Variants in ARMC6 observed in about 807,000 individuals in gnomAD.
ARMC6 encodes armadillo repeat-containing protein 6.
ARMC6 carries 43 observed loss-of-function variants against 49.2 expected under a neutral mutation model. That is an observed-to-expected ratio of 0.87 (90% CI 0.69 to 1.13). The LOEUF (loss-of-function observed/expected upper bound fraction) is 1.13. Ranked by LOEUF, ARMC6 falls within the 50% of genes most tolerant of loss-of-function variation. The pLI, the probability that ARMC6 is intolerant of heterozygous loss-of-function variation, is 0.00. For missense variants in ARMC6, 627 were observed against 682.0 expected, an observed-to-expected ratio of 0.92 and a Z score of 0.90; for synonymous variants, 262 against 289.6, an observed-to-expected ratio of 0.90 and a Z score of 0.97.
Position 19,052,177 on chromosome 19 carries a change from C to T in ARMC6, c.835C>T (p.Leu279Phe). Residue 279 changes from leucine to phenylalanine, a missense_variant, in exon 5 of 9, where the codon CTC (leucine) becomes TTC (phenylalanine). Coordinates refer to ENST00000535612, the MANE Select transcript of ARMC6 (RefSeq NM_001199196.2). ...IVQENKGLKV[L>F]IEATKAFLDN... ...GCAGGAGAACAAAGGCTTGAAGGTG[C>T]TCATCGAAGCCACCAAAGGTAAGAG... 1 of 1,602,464 alleles carries T rather than the reference C, an allele frequency of 6.2e-7. No individual in the cohort carries two copies. Among genetic ancestry groups the T allele is most frequent in the African/African-American group, 1.3e-5 (1 of 74,908 alleles).
intron 4 of ARMC6, among the ~76,000 whole-genome samples, chr19:19,045,653 A>T (rs1163433927): frequency 1.1e-3 from 84 of 75,678 alleles, no homozygotes; most frequent in Non-Finnish European, 2.0e-3. Flanking sequence ...ATGCCCAGCT[A>T]ATTTTTTTTT....
Position 19,057,983 on chromosome 19 carries a change from G to A in ARMC6, c.*355G>A. 2.6e-6 allele frequency: 1 copy of A among 377,532 alleles called. No individual in the cohort carries two copies. Among genetic ancestry groups the A allele is most frequent in the Non-Finnish European group, 5.1e-6 (1 of 197,436 alleles). 23.4% of individuals were successfully genotyped at this position (377,532 alleles called of 1,614,324 possible). ...CACTGTGGGCCAGGCTCAGGGCAGG[G>A]CAGGCGATTCCAGTGGGGTTGGGCC... On this transcript the variant is annotated 3_prime_UTR_variant, in exon 9 of 9. Transcript: ENST00000535612.
intron 2 of ARMC6, among the ~76,000 whole-genome samples, chr19:19,035,729 G>C (rs2059359843): frequency 6.6e-6 from 1 of 151,506 alleles, no homozygotes; most frequent in African/African-American, 2.4e-5. Flanking sequence ...GCTCCACAGA[G>C]GACTGAGAAT....
intron 2 of ARMC6, among the ~76,000 whole-genome samples, chr19:19,035,066 G>A (rs908028263): frequency 6.6e-6 from 1 of 152,122 alleles, no homozygotes; most frequent in Non-Finnish European, 1.5e-5. Flanking sequence ...GGGTTTCACC[G>A]TGTTAGCCAG....
At chr19:19,054,375 G>C (rs529163386) in intron 6 of ARMC6, 54 bp downstream of exon 6, 5 of 1,445,228 alleles carry the variant, frequency 3.5e-6, no homozygotes, top group Non-Finnish European at 4.6e-6. Flanking sequence ...CCAGTCAACC[G>C]GACGAGCTAT....
intron 3 of ARMC6, among the ~76,000 whole-genome samples, chr19:19,043,216 C>A (rs959686783): frequency 6.6e-6 from 1 of 152,238 alleles, no homozygotes; most frequent in Non-Finnish European, 1.5e-5. Flanking sequence ...GAGGCAGAAG[C>A]AGCCTGTGGA....
chr19:19,038,052 T>C (rs2059384133), intron 2 of ARMC6, among the ~76,000 whole-genome samples: 1 of 152,184 alleles, frequency 6.6e-6, no homozygotes, highest in Admixed American at 6.5e-5. Context: ...CATTAAATTA[T>C]AGGAGCACGA....
At chr19:19,053,257 G>T (rs966651453) in intron 5 of ARMC6, among the ~76,000 whole-genome samples, 15 of 152,192 alleles carry the variant, frequency 9.9e-5, no homozygotes, top group Admixed American at 6.5e-4. Flanking sequence ...GGAGGCTGAG[G>T]TAGAAGGATT....
chr19:19,053,158 G>A (rs1170456244), intron 5 of ARMC6, among the ~76,000 whole-genome samples: 1 of 152,186 alleles, frequency 6.6e-6, no homozygotes, highest in African/African-American at 2.4e-5. Context: ...GATGGAATGA[G>A]TCCCATTCAC....
In ARMC6 at chr19:19,049,059, A is replaced by ATT. The variant is rs67876712; in HGVS notation, c.280-2543_280-2542dup. Among the ~76,000 whole-genome samples the ATT allele has an allele frequency of 6.1e-3, 760 of 124,896 alleles. 9 individuals carry two copies. Among genetic ancestry groups the ATT allele is most frequent in the African/African-American group, 0.016 (511 of 31,830 alleles). The allele number at this position is 124,896 out of a possible 152,430, so 81.9% of individuals were successfully genotyped here. On this transcript the variant is annotated intron_variant, in intron 4 of 8. Transcript: ENST00000535612. ...GTCCTTAGTATGGATGAGGACTTAG[A>ATT]TTTTTTTTTTTTTTTTTTTTTGAGA...
intron 2 of ARMC6, chr19:19,037,669 A>G (rs1432517599): frequency 4.4e-5 from 51 of 1,159,184 alleles, no homozygotes; most frequent in Non-Finnish European, 5.2e-5. Context: ...AAACTTGATA[A>G]TTCCAGAACG....
chr19:19,043,860 G>A (rs2059428406), intron 3 of ARMC6, 132 bp from the exon 4 acceptor site: 2 of 740,034 alleles, frequency 2.7e-6, no homozygotes, highest in Non-Finnish European at 2.4e-6. Context: ...CGGGAATAGG[G>A]AGGTGGGAGG....
At chr19:19,039,995 A>G (rs1220165607) in intron 2 of ARMC6, among the ~76,000 whole-genome samples, 1 of 152,188 alleles carries the variant, frequency 6.6e-6, no homozygotes, top group Non-Finnish European at 1.5e-5. Context: ...AAATGAAATA[A>G]AATTACACAC....
At position 19,057,433 on chromosome 19, in the gene ARMC6, G is replaced by A. The variant is rs746615178; in HGVS notation, c.1311G>A (p.Leu437=). The change falls in exon 9 of 9, where the codon CTG becomes CTA. Residue 437 remains leucine, a synonymous_variant. Coordinates refer to ENST00000535612, the MANE Select transcript of ARMC6 (RefSeq NM_001199196.2). ...KAGVQKQACM[L]IRNLVAHGQA... is the part of the protein sequence containing the mutation. ...TCCTACAGAAACAGGCTTGCATGCT[G>A]ATCCGAAACCTGGTGGCCCACGGCC... The A allele has an allele frequency of 1.9e-6, 3 of 1,613,320 alleles. No homozygotes were observed. In the East Asian group the frequency reaches 6.7e-5, roughly 36 times the overall value.
chr19:19,045,997 C>T (rs2059447485), intron 4 of ARMC6, among the ~76,000 whole-genome samples: 1 of 151,926 alleles, frequency 6.6e-6, no homozygotes, highest in Non-Finnish European at 1.5e-5. Context: ...TGTGCTCAGC[C>T]CATCTTGCTG....
intron 4 of ARMC6, among the ~76,000 whole-genome samples, chr19:19,046,676 G>A (rs117973532): frequency 0.028 from 4,221 of 151,158 alleles, 90 homozygotes; most frequent in South Asian, 0.07. Flanking sequence ...TGTATTTTTA[G>A]TAGAGATGGG....
At chr19:19,045,503 T>TTTTTTTTTTTTTTTTTC (rs1179872355) in intron 4 of ARMC6, among the ~76,000 whole-genome samples, 1,488 of 140,756 alleles carry the variant, frequency 0.011, 183 homozygotes, top group African/African-American at 0.04. Flanking sequence ...CTTTTTTTTT[T>TTTTTTTTTTTTTTTTTC]TGAGACAAGA....
chr19:19,037,080 G>A (rs2059375707), intron 2 of ARMC6, among the ~76,000 whole-genome samples: 1 of 152,198 alleles, frequency 6.6e-6, no homozygotes, highest in Admixed American at 6.5e-5. Flanking sequence ...CAGCTACTTG[G>A]AGGCTGAGGC....
intron 2 of ARMC6, among the ~76,000 whole-genome samples, chr19:19,040,043 G>A (rs2059399380): frequency 6.6e-6 from 1 of 152,220 alleles, no homozygotes; most frequent in African/African-American, 2.4e-5. Context: ...TCAGCTGTGT[G>A]ATAGCCACAG....
Sources: gnomAD v4.1 joint callset for allele counts (sites outside exome capture counted in the v4.1 genomes callset) on GRCh38, gnomAD v4.1.1 for gene constraint, MANE v1.5 for transcripts, NCBI Gene and HGNC (gene_info 2026-07-23, HGNC 2026-07-21) for gene names.